The following SAP130 variants were observed in gnomAD, a reference collection of about 807,000 sequenced individuals.
SAP130 encodes Sin3A associated protein 130.
In SAP130, 16 loss-of-function variants were observed where a neutral mutation model predicts 103.2. That is an observed-to-expected ratio of 0.16 (90% CI 0.10 to 0.24). The LOEUF is 0.24. Ranked by LOEUF, SAP130 falls within the 10% of genes least tolerant of loss-of-function variation. SAP130 has a pLI of 1.00. For missense variants in SAP130, 990 were observed against 1,359.7 expected, an observed-to-expected ratio of 0.73 and a Z score of 4.28; for synonymous variants, 477 against 497.0, an observed-to-expected ratio of 0.96 and a Z score of 0.53.
intron 14 of SAP130, among the ~76,000 whole-genome samples, chr2:127,978,868 T>C (rs952272710): frequency 5.3e-5 from 8 of 152,114 alleles, no homozygotes; most frequent in Admixed American, 2.0e-4. Context: ...GATCAAACCT[T>C]CAGAGTCAAG....
At chr2:127,974,657 T>C (rs879860114) in intron 15 of SAP130, among the ~76,000 whole-genome samples, 6 of 151,758 alleles carry the variant, frequency 4.0e-5, no homozygotes, top group African/African-American at 9.7e-5. Flanking sequence ...CTACTAAAAA[T>C]ACAAAATCAG....
At position 127,955,213 on chromosome 2, in the gene SAP130, G is replaced by C. The variant is rs201861735; in HGVS notation, c.2195C>G (p.Thr732Ser). 3.1e-6 allele frequency: 5 copies of C among 1,614,136 alleles called. No homozygotes were observed. Among genetic ancestry groups the C allele is most frequent in the Non-Finnish European group, 3.4e-6 (4 of 1,180,028 alleles). Residue 732 changes from threonine to serine, a missense_variant, in exon 16 of 21, where the codon ACC (threonine) becomes AGC (serine). By Grantham distance (58) the Thr-to-Ser change is moderately conservative (BLOSUM62 1). Transcript: ENST00000643581. The surrounding 1 kb of genome is among the most constrained non-coding windows in gnomAD (Gnocchi z 4.9). ...GGCTGCTGCAATCATAGTTGGAATG[G>C]TCGGTGGGGGCTGCTGGGCAGTTGG... The part of the protein sequence containing the change: ...VPPTAQQPPP[T>S]IPTMIAAASP...
At chr2:127,971,191 C>A (rs1202944723) in intron 15 of SAP130, among the ~76,000 whole-genome samples, 4 of 152,076 alleles carry the variant, frequency 2.6e-5, no homozygotes, top group South Asian at 2.1e-4. Flanking sequence ...GGGCTCCCCC[C>A]ATCTGTTGAC....
At chr2:128,005,192 G>C (rs2105124688) in intron 7 of SAP130, among the ~76,000 whole-genome samples, 1 of 152,254 alleles carries the variant, frequency 6.6e-6, no homozygotes. Flanking sequence ...GAAACAGAAG[G>C]CAACTGCTCA....
chr2:127,970,318 G>T (rs1259832537), intron 15 of SAP130, among the ~76,000 whole-genome samples: 1 of 150,522 alleles, frequency 6.6e-6, no homozygotes, highest in African/African-American at 2.4e-5. Flanking sequence ...CGAGGCGGAG[G>T]GATCATGAGA....
At chr2:128,013,490 T>C (rs1684546431) in intron 5 of SAP130, among the ~76,000 whole-genome samples, 1 of 152,138 alleles carries the variant, frequency 6.6e-6, no homozygotes, top group Non-Finnish European at 1.5e-5. Context: ...CTTCCAGTCT[T>C]TGTTCCATTA....
Position 127,996,258 on chromosome 2 carries a change from A to T in SAP130, c.1355+92T>A. On this transcript the variant is annotated intron_variant, in intron 11 of 20. Transcript: ENST00000643581. The surrounding 1 kb of genome is among the most constrained non-coding windows in gnomAD (Gnocchi z 4.3). ...ATCTGAAAACATGAGTAATAAATAT[A>T]GGCCATATTTGTGGGACACTTTGTT... 8.8e-7 allele frequency: 1 copy of T among 1,138,832 alleles called. No individual in the cohort carries two copies. The allele number at this position is 1,138,832 out of a possible 1,614,324, so 70.5% of individuals were successfully genotyped here. A position where few individuals can be genotyped will look rare whatever the true frequency, so the allele number is the denominator to read the frequency against.
intron 7 of SAP130, among the ~76,000 whole-genome samples, chr2:128,009,719 G>A (rs889150730): frequency 1.3e-5 from 2 of 152,040 alleles, no homozygotes; most frequent in African/African-American, 4.8e-5. Flanking sequence ...GCTCCTAAGG[G>A]CCTATGTGAT....
intron 14 of SAP130, among the ~76,000 whole-genome samples, chr2:127,982,238 G>T (rs1241582031): frequency 6.6e-6 from 1 of 151,594 alleles, no homozygotes; most frequent in Non-Finnish European, 1.5e-5. Context: ...ATTTCATACA[G>T]AAGAAATGAC....
intron 12 of SAP130, among the ~76,000 whole-genome samples, chr2:127,990,160 C>T (rs370310896): frequency 1.3e-5 from 2 of 152,096 alleles, no homozygotes; most frequent in Admixed American, 6.5e-5. Flanking sequence ...GGAAACCATG[C>T]TAAATAATTA....
chr2:127,978,016 G>T lies in SAP130; in HGVS notation c.2032C>A (p.Arg678=), dbSNP rs1304831780. The change falls in exon 15 of 21, where the codon CGG becomes AGG. Residue 678 remains arginine, a synonymous_variant. Coordinates refer to ENST00000643581, the MANE Select transcript of SAP130 (RefSeq NM_001330301.2). ...VASPRVESSM[R]STSGSPRPAG... is the part of the protein sequence containing the mutation. ...GGCCTAGGTGACCCAGACGTACTCC[G>T]CATAGAGCTTTCCACTCGAGGACTA... 6.4e-7 allele frequency: 1 copy of T among 1,551,950 alleles called. No individual in the cohort carries two copies. The highest frequency in any genetic ancestry group is 8.7e-7 in the Non-Finnish European group (1 of 1,146,978).
chr2:127,998,020 A>G (rs1035500964), intron 10 of SAP130, among the ~76,000 whole-genome samples: 4 of 151,970 alleles, frequency 2.6e-5, no homozygotes, highest in African/African-American at 9.7e-5. Context: ...AGGCTGAGGC[A>G]GGAGAATTAC....
At chr2:127,952,047 G>A (rs988660947) in intron 16 of SAP130, among the ~76,000 whole-genome samples, 5 of 151,972 alleles carry the variant, frequency 3.3e-5, no homozygotes, top group Admixed American at 1.3e-4. Context: ...ACCCACTCTC[G>A]CCTCCTCAAA....
In SAP130 at chr2:127,950,058, AGTAAGTGAGGT is replaced by A. The variant is rs1237508705; in HGVS notation, c.2672-75_2672-65del. The A allele has an allele frequency of 3.1e-6, 5 of 1,609,218 alleles. No individual in the cohort carries two copies. The African/African-American group carries it at 6.7e-5, about 22-fold the overall frequency. On this transcript the variant is annotated intron_variant, in intron 17 of 20. Transcript: ENST00000643581. ...TCAACAATCCTCAAAGTTCATTTCC[AGTAAGTGAGGT>A]ACGAGTGAGGCTGACTATGTAACGA...
At chr2:128,001,539 A>G (rs1288653243) in intron 7 of SAP130, among the ~76,000 whole-genome samples, 1 of 152,266 alleles carries the variant, frequency 6.6e-6, no homozygotes, top group Non-Finnish European at 1.5e-5. Flanking sequence ...TCAGATGGAC[A>G]AATGATACAG....
At chr2:128,016,858 C>T (rs1000461461) in intron 3 of SAP130, among the ~76,000 whole-genome samples, 1 of 152,214 alleles carries the variant, frequency 6.6e-6, no homozygotes, top group Non-Finnish European at 1.5e-5. Flanking sequence ...CATGATGCTG[C>T]CTCCCAAGTT....
chr2:128,013,585 A>G (rs1377676751), intron 5 of SAP130, among the ~76,000 whole-genome samples: 1 of 152,164 alleles, frequency 6.6e-6, no homozygotes, highest in Non-Finnish European at 1.5e-5. Flanking sequence ...GCAGACCCCC[A>G]TAAGGGCCTG....
intron 15 of SAP130, among the ~76,000 whole-genome samples, chr2:127,958,514 C>T (rs956622715): frequency 3.9e-5 from 6 of 152,156 alleles, no homozygotes; most frequent in African/African-American, 1.4e-4. Flanking sequence ...ATATAAAGAT[C>T]AGCACTCAAA....
At chr2:127,973,518 G>A (rs1052997948) in intron 15 of SAP130, among the ~76,000 whole-genome samples, 1 of 152,220 alleles carries the variant, frequency 6.6e-6, no homozygotes, top group Admixed American at 6.5e-5. Context: ...GGGATTCCAG[G>A]CGTGAGCCCC....
Sources: allele counts gnomAD v4.1 joint callset (sites outside exome capture counted in the v4.1 genomes callset), GRCh38; gene constraint gnomAD v4.1.1; non-coding constraint Gnocchi (gnomAD v3.1); transcripts MANE v1.5; gene names NCBI Gene and HGNC (gene_info 2026-07-23, HGNC 2026-07-21).